HOXC13: variants seen among roughly 807,000 people sequenced by gnomAD.
HOXC13 encodes the protein homeobox protein Hox-C13.
HOXC13 carries 10 observed loss-of-function variants against 25.9 expected under a neutral mutation model. The ratio of observed to expected loss-of-function variants is 0.39; its 90% CI spans 0.24 to 0.65. The LOEUF (loss-of-function observed/expected upper bound fraction) is 0.65, where lower values mean the gene tolerates loss of function less well. Among genes scored for constraint, HOXC13 ranks in the 30% least tolerant of loss-of-function variants. The pLI, the probability that HOXC13 is intolerant of heterozygous loss-of-function variation, is 0.50. For missense variants in HOXC13, 439 were observed against 478.3 expected (o/e 0.92, Z 0.77); for synonymous variants, 233 against 217.1 (o/e 1.07, Z -0.64).
Position 53,939,803 on chromosome 12 carries a change from C to G in HOXC13, c.736+161C>G, listed in dbSNP as rs1014345126. On this transcript the variant is annotated intron_variant, in intron 1 of 1. Coordinates refer to ENST00000243056, the MANE Select transcript of HOXC13 (RefSeq NM_017410.3). The surrounding 1 kb of genome is among the most constrained non-coding windows in gnomAD (Gnocchi z 6.7). ...GGGCGAGCTGCACTGAGGAATGCGC[C>G]GGGGAAGAAATCTGCTCCGACACGT... 1.3e-5 allele frequency among the ~76,000 whole-genome samples: 2 copies of G among 152,338 alleles called. No homozygotes were observed. Among genetic ancestry groups the G allele is most frequent in the East Asian group, 1.9e-4 (1 of 5,184 alleles).
rs757384865 is a variant in HOXC13, at chr12:53,939,449, C to T, written c.543C>T (p.Ser181=). 1 of 1,607,412 alleles carries T rather than the reference C, an allele frequency of 6.2e-7. No individual in the cohort carries two copies. The highest frequency in any genetic ancestry group is 1.1e-5 in the South Asian group (1 of 90,704). ...CCTTCTACCCCAGCTTCGCCAGCTCCTACCAGGCGATGCCCGGCTACCTGG... is the reference window on the plus strand; with the variant it reads ...CCTTCTACCCCAGCTTCGCCAGCTCTTACCAGGCGATGCCCGGCTACCTGG... ...EFAFYPSFAS[S]YQAMPGYLDV... The change falls in exon 1 of 2, where the codon TCC becomes TCT. Residue 181 remains serine, a synonymous_variant. Coordinates refer to ENST00000243056, the MANE Select transcript of HOXC13 (RefSeq NM_017410.3). This position sits in a 1 kb window ranked among gnomAD's most constrained non-coding sequence, Gnocchi z 6.7.
Position 53,946,152 on chromosome 12 carries a change from C to T in HOXC13, c.*896C>T, listed in dbSNP as rs1405350620. On this transcript the variant is annotated 3_prime_UTR_variant, in exon 2 of 2. Coordinates refer to ENST00000243056, the MANE Select transcript of HOXC13 (RefSeq NM_017410.3). Reference sequence around the variant, plus strand: ...CCAAGGGGATGGAGAGTGGGTCCCTCAACAAAGTCCCTGTCCAGTCACCTT... The same window carrying T: ...CCAAGGGGATGGAGAGTGGGTCCCTTAACAAAGTCCCTGTCCAGTCACCTT... 1.3e-5 allele frequency: 3 copies of T among 230,558 alleles called. No homozygotes were observed. The highest frequency in any genetic ancestry group is 5.7e-5 in the Admixed American group (1 of 17,678). The allele number at this position is 230,558 out of a possible 1,614,324, so 14.3% of individuals were successfully genotyped here.
rs904977645 is a variant in HOXC13 at position 53,938,899 on chromosome 12, A to T, written c.-8A>T. ...TGGAGTTTTTAAAAAGCTCCAGCAGATCATGTCATGACGACTTCGCTGCTC... is the reference window on the plus strand; with the variant it reads ...TGGAGTTTTTAAAAAGCTCCAGCAGTTCATGTCATGACGACTTCGCTGCTC... On this transcript the variant is annotated 5_prime_UTR_variant, in exon 1 of 2. Coordinates refer to ENST00000243056, the MANE Select transcript of HOXC13 (RefSeq NM_017410.3). The T allele has an allele frequency of 1.2e-5, 19 of 1,551,676 alleles. No homozygotes were observed. The highest frequency in any genetic ancestry group is 1.5e-5 in the Non-Finnish European group (17 of 1,156,668).
intron 1 of HOXC13, among the ~76,000 whole-genome samples, chr12:53,943,318 C>G (rs547482756): frequency 6.6e-6 from 1 of 152,336 alleles, no homozygotes; most frequent in South Asian, 2.1e-4. Flanking sequence ...TCATTCTATT[C>G]TTGTCAACAA....
chr12:53,939,339 T>TG lies in HOXC13; in HGVS notation c.434dup (p.Cys145TrpfsTer8). Reference sequence around the variant, plus strand: ...CAACGTGAACCTGCAGCAGAAGCCTTGCGCCTACCACCCGGGCGATAAATA... The same window carrying TG: ...CAACGTGAACCTGCAGCAGAAGCCTTGGCGCCTACCACCCGGGCGATAAATA... On this transcript the variant is annotated frameshift_variant, in exon 1 of 2. Coordinates refer to ENST00000243056, the MANE Select transcript of HOXC13 (RefSeq NM_017410.3). LOFTEE classifies it high-confidence loss of function. The surrounding 1 kb of genome is among the most constrained non-coding windows in gnomAD (Gnocchi z 6.7). 6.2e-7 allele frequency: 1 copy of TG among 1,601,456 alleles called. No homozygotes were observed. The highest frequency in any genetic ancestry group is 8.5e-7 in the Non-Finnish European group (1 of 1,175,372).
intron 1 of HOXC13, among the ~76,000 whole-genome samples, chr12:53,941,665 A>G (rs1397813965): frequency 6.6e-6 from 1 of 152,280 alleles, no homozygotes; most frequent in Non-Finnish European, 1.5e-5. Context: ...TAAAAAAAGT[A>G]TATCCCAATT....
intron 1 of HOXC13, among the ~76,000 whole-genome samples, chr12:53,941,613 A>G (rs1025396068): frequency 1.3e-5 from 2 of 152,164 alleles, no homozygotes; most frequent in African/African-American, 4.8e-5. Flanking sequence ...AAAAATAAAT[A>G]CTTTTTTGAT....
At position 53,945,824 on chromosome 12, in the gene HOXC13, G is replaced by A. The variant is rs570101393; in HGVS notation, c.*568G>A. The A allele has an allele frequency of 1.7e-5, 4 of 236,882 alleles. No homozygotes were observed. In the South Asian group the frequency reaches 6.6e-4, roughly 39 times the overall value. The allele number at this position is 236,882 out of a possible 1,614,324, so 14.7% of individuals were successfully genotyped here. ...TACTCATGATAATTATTAGGGACCT[G>A]GCAGCGTGATTGGAGTATGGATGTT... On this transcript the variant is annotated 3_prime_UTR_variant, in exon 2 of 2. Coordinates refer to ENST00000243056, the MANE Select transcript of HOXC13 (RefSeq NM_017410.3). This position sits in a 1 kb window ranked among gnomAD's most constrained non-coding sequence, Gnocchi z 4.4.
At chr12:53,941,820 A>G (rs1026909392) in intron 1 of HOXC13, among the ~76,000 whole-genome samples, 19 of 152,264 alleles carry the variant, frequency 1.2e-4, no homozygotes, top group African/African-American at 4.6e-4. Flanking sequence ...GACAAGAGGC[A>G]GACGAATAAG....
In HOXC13 at chr12:53,945,362, A is replaced by T; in HGVS notation, c.*106A>T. The T allele has an allele frequency of 7.2e-7, 1 of 1,390,052 alleles. No homozygotes were observed. Among genetic ancestry groups the T allele is most frequent in the East Asian group, 2.3e-5 (1 of 43,512 alleles). The allele number at this position is 1,390,052 out of a possible 1,614,324, so 86.1% of individuals were successfully genotyped here. ...TGCAGAAGAGTATTTAATGTTAAGG[A>T]AAGAGAAGAACCGCGCCGCCCGGAG... On this transcript the variant is annotated 3_prime_UTR_variant, in exon 2 of 2. Transcript: ENST00000243056. The surrounding 1 kb of genome is among the most constrained non-coding windows in gnomAD (Gnocchi z 4.4).
At position 53,945,011 on chromosome 12, in the gene HOXC13, C is replaced by G; in HGVS notation, c.748C>G (p.Leu250Val). 6.2e-7 allele frequency: 1 copy of G among 1,613,836 alleles called. No individual in the cohort carries two copies. Among genetic ancestry groups the G allele is most frequent in the Non-Finnish European group, 8.5e-7 (1 of 1,180,010 alleles). Residue 250 changes from leucine to valine, a missense_variant, in exon 2 of 2, where the codon CTG (leucine) becomes GTG (valine). Transcript: ENST00000243056. This position sits in a 1 kb window ranked among gnomAD's most constrained non-coding sequence, Gnocchi z 4.4. ...WKSPFPDVVP[L>V]QPEVSSYRRG... ...TTATCTCCCCGCAGACGTGGTTCCC[C>G]TGCAGCCCGAGGTGAGCAGCTACCG...
Position 53,939,439 on chromosome 12 carries a change from T to C in HOXC13, c.533T>C (p.Phe178Ser). The part of the protein sequence containing the change: ...RAKEFAFYPS[F>S]ASSYQAMPGY... The stretch of plus-strand genomic sequence containing the variant: ...AAGGAGTTCGCCTTCTACCCCAGCT[T>C]CGCCAGCTCCTACCAGGCGATGCCC... The change falls in exon 1 of 2, where the codon TTC becomes TCC. Residue 178 changes from phenylalanine (F) to serine (S), a missense_variant. Phe to Ser is a radical substitution (Grantham distance 155). Coordinates refer to ENST00000243056, the MANE Select transcript of HOXC13 (RefSeq NM_017410.3). This position sits in a 1 kb window ranked among gnomAD's most constrained non-coding sequence, Gnocchi z 6.7. The C allele has an allele frequency of 6.2e-7, 1 of 1,604,886 alleles. No individual in the cohort carries two copies. The highest frequency in any genetic ancestry group is 8.5e-7 in the Non-Finnish European group (1 of 1,177,618).
intron 1 of HOXC13, among the ~76,000 whole-genome samples, chr12:53,943,128 A>G (rs1938638299): frequency 6.6e-6 from 1 of 152,260 alleles, no homozygotes; most frequent in South Asian, 2.1e-4. Context: ...TTTAAGAGTC[A>G]GAAAGTCTGG....
rs1938666509 is a variant in HOXC13 at position 53,944,910 on chromosome 12, G to C, written c.737-90G>C. The C allele has an allele frequency of 8.4e-6, 13 of 1,551,404 alleles. No individual in the cohort carries two copies. The South Asian group carries it at 1.4e-4, about 17-fold the overall frequency. On this transcript the variant is annotated intron_variant, in intron 1 of 1. Coordinates refer to ENST00000243056, the MANE Select transcript of HOXC13 (RefSeq NM_017410.3). ...AATCCTCTGGCCCCGTTGAGCCCCTGCCAGAACTCTGTGCCTAGGCAGCCT... is the reference window on the plus strand; with the variant it reads ...AATCCTCTGGCCCCGTTGAGCCCCTCCCAGAACTCTGTGCCTAGGCAGCCT...
In HOXC13 at chr12:53,939,550, A is replaced by G. The variant is rs978569041; in HGVS notation, c.644A>G (p.Gln215Arg). 2 of 1,612,220 alleles carry G rather than the reference A, an allele frequency of 1.2e-6. No individual in the cohort carries two copies. The highest frequency in any genetic ancestry group is 1.7e-5 in the Admixed American group (1 of 59,952). The stretch of plus-strand genomic sequence containing the variant: ...GCCCTCATCCCCGTCGAAGGCTACC[A>G]GCACTGGGCTCTCTCCAATGGCTGG... ...HDALIPVEGYQHWALSNGWDS... is the reference protein window; with the variant it reads ...HDALIPVEGYRHWALSNGWDS... Residue 215 changes from glutamine to arginine, a missense_variant, in exon 1 of 2, where the codon CAG becomes CGG. Gln to Arg is a conservative substitution (Grantham distance 43). Transcript: ENST00000243056. The surrounding 1 kb of genome is among the most constrained non-coding windows in gnomAD (Gnocchi z 6.7).
rs137908055 is a variant in HOXC13, at chr12:53,944,145, C to T, written c.737-855C>T. ...GCTGTGAAGGAATGGAGAGGGAAGGCGGTTGGAACAGAATTTGTTCTGTTT... is the reference window on the plus strand; with the variant it reads ...GCTGTGAAGGAATGGAGAGGGAAGGTGGTTGGAACAGAATTTGTTCTGTTT... On this transcript the variant is annotated intron_variant, in intron 1 of 1. Coordinates refer to ENST00000243056, the MANE Select transcript of HOXC13 (RefSeq NM_017410.3). Among the ~76,000 whole-genome samples, 73 of 152,136 alleles carry T rather than the reference C, an allele frequency of 4.8e-4. 1 individual carries two copies. The highest frequency in any genetic ancestry group is 1.7e-3 in the African/African-American group (70 of 41,494).
Position 53,939,381 on chromosome 12 carries a change from G to A in HOXC13, c.475G>A (p.Ala159Thr). 1 of 1,605,864 alleles carries A rather than the reference G, an allele frequency of 6.2e-7. No individual in the cohort carries two copies. Among genetic ancestry groups the A allele is most frequent in the Non-Finnish European group, 8.5e-7 (1 of 1,177,824 alleles). Residue 159 changes from alanine (A) to threonine (T), a missense_variant, in exon 1 of 2, where the codon GCC becomes ACC. Transcript: ENST00000243056. This position sits in a 1 kb window ranked among gnomAD's most constrained non-coding sequence, Gnocchi z 6.7. ...PGDKYPEPSG[A>T]LPGDDLSSRA... ...CGATAAATACCCGGAGCCGTCGGGC[G>A]CCCTGCCCGGTGACGACCTGTCCTC...
chr12:53,944,764 CT>C (rs1029034390), intron 1 of HOXC13, among the ~76,000 whole-genome samples: 5 of 152,152 alleles, frequency 3.3e-5, no homozygotes, highest in African/African-American at 1.2e-4. Context: ...AAAATATCGT[CT>C]TGATTACTGA....
At chr12:53,942,707 G>A (rs1437593460) in intron 1 of HOXC13, among the ~76,000 whole-genome samples, 1 of 152,152 alleles carries the variant, frequency 6.6e-6, no homozygotes, top group Non-Finnish European at 1.5e-5. Flanking sequence ...AGATAAGGCA[G>A]CAGACAAAGA....
Sources: gnomAD v4.1 joint callset for allele counts (sites outside exome capture counted in the v4.1 genomes callset) on GRCh38, gnomAD v4.1.1 for gene constraint, Gnocchi (gnomAD v3.1) non-coding constraint, MANE v1.5 for transcripts, NCBI Gene and HGNC (gene_info 2026-07-23, HGNC 2026-07-21) for gene names.